The following SPEN variants were observed in gnomAD, a reference collection of about 807,000 sequenced individuals.
SPEN encodes the protein spen family transcriptional repressor.
A neutral mutation model predicts 269.9 loss-of-function variants in SPEN; 18 were observed. That is an observed-to-expected ratio of 0.07 (90% CI 0.05 to 0.10). The LOEUF is 0.10. SPEN is among the 10% of genes least tolerant of loss of function. The pLI, the probability that SPEN is intolerant of heterozygous loss-of-function variation, is 1.00. For synonymous variants in SPEN, 1,726 were observed against 1,765.7 expected (o/e 0.98, Z 0.56); for missense variants, 3,822 against 4,631.2 (o/e 0.83, Z 5.07).
At chr1:15,897,528 A>G (rs1441218464) in intron 3 of SPEN, among the ~76,000 whole-genome samples, 1 of 152,048 alleles carries the variant, frequency 6.6e-6, no homozygotes, top group African/African-American at 2.4e-5. Flanking sequence ...CACCCAGCTA[A>G]TATTGTATTT....
At chr1:15,923,681 T>C (rs2071139465) in intron 10 of SPEN, among the ~76,000 whole-genome samples, 1 of 152,152 alleles carries the variant, frequency 6.6e-6, no homozygotes, top group Admixed American at 6.5e-5. Context: ...TGCTTTTTTT[T>C]TTTTTTGAGA....
At chr1:15,852,783 C>G (rs1184280826) in intron 1 of SPEN, among the ~76,000 whole-genome samples, 1 of 152,142 alleles carries the variant, frequency 6.6e-6, no homozygotes, top group Non-Finnish European at 1.5e-5. Context: ...CCCTTTCCCC[C>G]TAGTTTGAAA....
intron 1 of SPEN, among the ~76,000 whole-genome samples, chr1:15,859,903 A>G (rs1569970229): frequency 1.7e-5 from 1 of 59,310 alleles, no homozygotes; most frequent in Admixed American, 1.6e-4. Context: ...ATCAGTTAAC[A>G]TCTTTTTTTT....
chr1:15,892,060 G>A (rs778220473), intron 3 of SPEN, among the ~76,000 whole-genome samples: 22 of 114,648 alleles, frequency 1.9e-4, no homozygotes, highest in African/African-American at 5.5e-4. Flanking sequence ...TCGCTCTGTC[G>A]CCCAGGCTGG....
intron 3 of SPEN, among the ~76,000 whole-genome samples, chr1:15,884,623 C>A (rs547997465): frequency 6.6e-6 from 1 of 152,224 alleles, no homozygotes; most frequent in South Asian, 2.1e-4. Flanking sequence ...TGTACAGTTT[C>A]TTATGATACG....
At chr1:15,890,557 G>GATT (rs1253450395) in intron 3 of SPEN, among the ~76,000 whole-genome samples, 3 of 139,462 alleles carry the variant, frequency 2.2e-5, no homozygotes, top group Admixed American at 7.1e-5. Context: ...TTTTGACTCA[G>GATT]GTTTTTTTTT....
At chr1:15,870,170 G>A (rs945636332) in intron 1 of SPEN, among the ~76,000 whole-genome samples, 3 of 151,990 alleles carry the variant, frequency 2.0e-5, no homozygotes, top group Non-Finnish European at 1.5e-5. Flanking sequence ...ATGCCCAGCC[G>A]ATCATTTGCT....
At position 15,937,854 on chromosome 1, in the gene SPEN, G is replaced by A. The variant is rs1432004109; in HGVS notation, c.10552G>A (p.Asp3518Asn). The stretch of plus-strand genomic sequence containing the variant: ...GCAGGGCCTGCTGGCCCTCAAGAAT[G>A]ACACAGCTGCTGTGCAGCTCCACTT... ...VWQGLLALKNDTAAVQLHFVS... is the reference protein window; with the variant it reads ...VWQGLLALKNNTAAVQLHFVS... Residue 3518 changes from aspartate (D) to asparagine (N), a missense_variant, in exon 13 of 15, where the codon GAC (aspartate) becomes AAC (asparagine). This residue lies in a region of SPEN where 103 missense variants were observed against 215.8 expected (regional missense o/e 0.48). Coordinates refer to ENST00000375759, the MANE Select transcript of SPEN (RefSeq NM_015001.3). The surrounding 1 kb of genome is among the most constrained non-coding windows in gnomAD (Gnocchi z 5.7). The A allele has an allele frequency of 6.2e-7, 1 of 1,614,008 alleles. No homozygotes were observed. Among genetic ancestry groups the A allele is most frequent in the Non-Finnish European group, 8.5e-7 (1 of 1,180,026 alleles).
chr1:15,860,141 G>T (rs2070430074), intron 1 of SPEN, among the ~76,000 whole-genome samples: 1 of 151,842 alleles, frequency 6.6e-6, no homozygotes, highest in South Asian at 2.1e-4. Flanking sequence ...TCGATCTCCT[G>T]ACCTCGTGAT....
chr1:15,862,847 C>T (rs1043759031), intron 1 of SPEN, among the ~76,000 whole-genome samples: 10 of 151,822 alleles, frequency 6.6e-5, no homozygotes, highest in Admixed American at 1.3e-4. Context: ...CTGTAAGCTC[C>T]GCCTCCCAGG....
At chr1:15,893,870 C>T (rs889890097) in intron 3 of SPEN, among the ~76,000 whole-genome samples, 1 of 152,154 alleles carries the variant, frequency 6.6e-6, no homozygotes, top group Non-Finnish European at 1.5e-5. Flanking sequence ...AAAACCCTGT[C>T]TCTACTAAAA....
rs568303811 is a variant in SPEN at position 15,885,586 on chromosome 1, C to T, written c.881+8908C>T. ...TGTATCTAAATTCTTTAAAAAGTTACCTACTTGGAAGGGTTAGGGAAGAAA... is the reference window on the plus strand; with the variant it reads ...TGTATCTAAATTCTTTAAAAAGTTATCTACTTGGAAGGGTTAGGGAAGAAA... On this transcript the variant is annotated intron_variant, in intron 3 of 14. Transcript: ENST00000375759. Among the ~76,000 whole-genome samples the T allele has an allele frequency of 3.9e-5, 6 of 152,220 alleles. No individual in the cohort carries two copies. The South Asian group carries it at 1.2e-3, about 32-fold the overall frequency.
chr1:15,939,562 C>T lies in SPEN; in HGVS notation c.*135C>T. On this transcript the variant is annotated 3_prime_UTR_variant, in exon 15 of 15. Transcript: ENST00000375759. This position sits in a 1 kb window ranked among gnomAD's most constrained non-coding sequence, Gnocchi z 4.1. ...GCCAGACGGCCAGCCGTTTGCTGTC[C>T]TGCCGCCCGGCTCAGTCGGCCAGAC... is the stretch of plus-strand genomic sequence containing the variant. 1 of 1,140,678 alleles carries T rather than the reference C, an allele frequency of 8.8e-7. No individual in the cohort carries two copies. Among genetic ancestry groups the T allele is most frequent in the Non-Finnish European group, 1.2e-6 (1 of 837,100 alleles). The allele number at this position is 1,140,678 out of a possible 1,614,324, so 70.7% of individuals were successfully genotyped here. A position where few individuals can be genotyped will look rare whatever the true frequency, so the allele number is the denominator to read the frequency against.
At chr1:15,916,080 A>G (rs537011098) in intron 5 of SPEN, 48 bp from the exon 6 acceptor site, 1 of 1,560,796 alleles carries the variant, frequency 6.4e-7, no homozygotes, top group Non-Finnish European at 8.6e-7. Flanking sequence ...ATAAATATGC[A>G]TTAAAATACT....
chr1:15,871,149 A>G (rs1189762235), intron 1 of SPEN, among the ~76,000 whole-genome samples: 1 of 151,932 alleles, frequency 6.6e-6, no homozygotes, highest in Non-Finnish European at 1.5e-5. Context: ...TTGTATTTTT[A>G]GTAGAGGTGG....
At chr1:15,870,766 G>T (rs1211350609) in intron 1 of SPEN, among the ~76,000 whole-genome samples, 1 of 151,884 alleles carries the variant, frequency 6.6e-6, no homozygotes, top group East Asian at 1.9e-4. Flanking sequence ...AGTATTGAGA[G>T]AATTCCTTGG....
intron 1 of SPEN, among the ~76,000 whole-genome samples, chr1:15,868,153 T>A (rs1440097255): frequency 1.3e-5 from 2 of 150,362 alleles, no homozygotes; most frequent in Non-Finnish European, 3.0e-5. Flanking sequence ...AAAAAAAAAA[T>A]TATATATATT....
At chr1:15,938,638 G>A in intron 13 of SPEN, 80 bp from the exon 14 acceptor site, 1 of 1,273,352 alleles carries the variant, frequency 7.9e-7, no homozygotes, top group Non-Finnish European at 1.0e-6. Context: ...GGGTTTTTGT[G>A]GACCTGATAC....
chr1:15,896,526 A>G (rs1483270423), intron 3 of SPEN, among the ~76,000 whole-genome samples: 1 of 152,132 alleles, frequency 6.6e-6, no homozygotes, highest in East Asian at 1.9e-4. Context: ...CATCAACACT[A>G]AATCTAGTTA....
Sources: allele counts gnomAD v4.1 joint callset (sites outside exome capture counted in the v4.1 genomes callset), GRCh38; gene constraint gnomAD v4.1.1; regional missense constraint gnomAD v4.1.1; non-coding constraint Gnocchi (gnomAD v3.1); transcripts MANE v1.5; gene names NCBI Gene and HGNC (gene_info 2026-07-23, HGNC 2026-07-21).